BSCL2: variants seen among roughly 807,000 people sequenced by gnomAD.
BSCL2 encodes seipin.
In BSCL2, 41 loss-of-function variants were observed where a neutral mutation model predicts 57.4. The ratio of observed to expected loss-of-function variants is 0.71; its 90% CI spans 0.56 to 0.93. The LOEUF (loss-of-function observed/expected upper bound fraction) is 0.93. BSCL2 is among the 40% of genes least tolerant of loss of function. The probability of loss-of-function intolerance (pLI) is 0.00; values close to 1 mark genes in which losing one functional copy is unlikely to be tolerated. For synonymous variants in BSCL2, 237 were observed against 227.3 expected, an observed-to-expected ratio of 1.04 and a Z score of -0.38; for missense variants, 539 against 586.7, an observed-to-expected ratio of 0.92 and a Z score of 0.84.
chr11:62,696,902 G>A (rs1179478332), intron 3 of BSCL2, among the ~76,000 whole-genome samples: 1 of 151,950 alleles, frequency 6.6e-6, no homozygotes, highest in Non-Finnish European at 1.5e-5. Flanking sequence ...GCCAGGTGTG[G>A]TGGTGCATGC....
rs57072553 is a variant in BSCL2 at position 62,693,820 on chromosome 11, C to T, written c.630+748G>A. ...TGGTTTTGTAAGCTGATTCCTTTCT[C>T]TTTTTTTTTTTAAGACAAAGTTTTG... On this transcript the variant is annotated intron_variant, in intron 4 of 10. Transcript: ENST00000360796. Among the ~76,000 whole-genome samples the T allele has an allele frequency of 9.0e-3, 1,318 of 146,530 alleles. 11 individuals are homozygous for T. Among genetic ancestry groups the T allele is most frequent in the African/African-American group, 0.032 (1,265 of 40,136 alleles).
At chr11:62,691,620 C>T (rs1213526109) in intron 6 of BSCL2, among the ~76,000 whole-genome samples, 199 bp from the exon 7 acceptor site, 4 of 152,180 alleles carry the variant, frequency 2.6e-5, no homozygotes, top group Non-Finnish European at 1.5e-5. Flanking sequence ...GGGAAGTCTC[C>T]TGTGGGAGGG....
chr11:62,706,668 G>A (rs1344671256), intron 1 of BSCL2: 1 of 477,148 alleles, frequency 2.1e-6, no homozygotes, highest in Non-Finnish European at 4.3e-6. Flanking sequence ...TCATCCAGCT[G>A]GCGCTGATTT....
chr11:62,701,950 G>A (rs554638970), intron 3 of BSCL2, among the ~76,000 whole-genome samples: 1 of 152,008 alleles, frequency 6.6e-6, no homozygotes, highest in African/African-American at 2.4e-5. Flanking sequence ...TTCTTAAGTT[G>A]AATTACCGTA....
At chr11:62,700,333 A>C (rs1012154599) in intron 3 of BSCL2, among the ~76,000 whole-genome samples, 3 of 152,066 alleles carry the variant, frequency 2.0e-5, no homozygotes, top group African/African-American at 4.8e-5. Context: ...TTTCCTCCAA[A>C]GTACCACTTT....
chr11:62,706,352 G>GA (rs943874712), intron 1 of BSCL2: 58 of 1,091,484 alleles, frequency 5.3e-5, no homozygotes, highest in Non-Finnish European at 6.3e-5. Context: ...GTAGCCGTGG[G>GA]AGGCGGGGCT....
At chr11:62,699,545 T>C (rs556986372) in intron 3 of BSCL2, among the ~76,000 whole-genome samples, 53 of 152,212 alleles carry the variant, frequency 3.5e-4, no homozygotes, top group African/African-American at 1.2e-3. Flanking sequence ...TAAATGTCTT[T>C]ATAGAAGATT....
chr11:62,705,360 G>A lies in BSCL2; in HGVS notation c.345C>T (p.Ser115=), dbSNP rs200922424. 29 of 1,614,014 alleles carry A rather than the reference G, an allele frequency of 1.8e-5. No homozygotes were observed. Among genetic ancestry groups the A allele is most frequent in the Non-Finnish European group, 2.3e-5 (27 of 1,180,014 alleles). Residue 115 remains serine, a synonymous_variant, in exon 2 of 11, where the codon TCC becomes TCT. Transcript: ENST00000360796. ...LLWVSVFLYG[S]FYYSYMPTVS... is the part of the protein sequence containing the mutation. Reference sequence around the variant, plus strand: ...CTGTCGGCATATAGGAATAGTAGAAGGAGCCATAGAGGAAGACAGACACCC... The same window carrying A: ...CTGTCGGCATATAGGAATAGTAGAAAGAGCCATAGAGGAAGACAGACACCC...
At chr11:62,697,251 C>G in intron 3 of BSCL2, among the ~76,000 whole-genome samples, 1 of 150,830 alleles carries the variant, frequency 6.6e-6, no homozygotes, top group East Asian at 2.0e-4. Context: ...AAAAATTAGC[C>G]GGGCATGGTG....
chr11:62,706,208 C>G (rs2083530082), intron 1 of BSCL2: 1 of 1,064,702 alleles, frequency 9.4e-7, no homozygotes, highest in African/African-American at 1.7e-5. Context: ...CCTACCTAAT[C>G]GTGCAACCAT....
At chr11:62,708,410 G>T, upstream of BSCL2, 1 of 1,566,440 alleles carries the variant, frequency 6.4e-7, no homozygotes. Flanking sequence ...TGGGACCCTG[G>T]CTGGCTCCCA....
intron 7 of BSCL2, 30 bp downstream of exon 7, chr11:62,691,250 G>C: frequency 6.2e-7 from 1 of 1,614,114 alleles, no homozygotes; most frequent in Non-Finnish European, 8.5e-7. Flanking sequence ...AAGATCAAAG[G>C]GACAAAAGGG....
At chr11:62,708,572 G>A (rs2083582274), upstream of BSCL2, 2 of 1,499,626 alleles carry the variant, frequency 1.3e-6, no homozygotes, top group Non-Finnish European at 1.8e-6. Flanking sequence ...GAGAAGACAA[G>A]TCGTAAGGAG....
At chr11:62,691,542 C>T in intron 6 of BSCL2, 121 bp from the exon 7 acceptor site, 2 of 1,168,826 alleles carry the variant, frequency 1.7e-6, no homozygotes, top group Non-Finnish European at 2.5e-6. Context: ...GGCTCTGTCA[C>T]CCCTGCCTCC....
rs374093011 is a variant in BSCL2 at position 62,707,165 on chromosome 11, C to T, written c.31G>A (p.Glu11Lys). Residue 11 changes from glutamate to lysine, a missense_variant, in exon 1 of 11, where the codon GAA (glutamate) becomes AAA (lysine). Coordinates refer to ENST00000360796, the MANE Select transcript of BSCL2 (RefSeq NM_001122955.4). Reference sequence around the variant, plus strand: ...CCGCACACCTCTTTTTCCCCAGCTTCCTCCTTTTGGTCTACCTTTTCTGTA... The same window carrying T: ...CCGCACACCTCTTTTTCCCCAGCTTTCTCCTTTTGGTCTACCTTTTCTGTA... MSTEKVDQKEEAGEKEVCGDQ... is the reference protein window; with the variant it reads MSTEKVDQKEKAGEKEVCGDQ... 67 of 1,554,204 alleles carry T rather than the reference C, an allele frequency of 4.3e-5. No homozygotes were observed. The highest frequency in any genetic ancestry group is 3.1e-4 in the East Asian group (13 of 41,646).
chr11:62,708,310 C>T (rs572417715), upstream of BSCL2: 20 of 1,611,424 alleles, frequency 1.2e-5, no homozygotes, highest in Admixed American at 1.7e-5. Flanking sequence ...AAGGTGAGAC[C>T]CCGGTGAACA....
In BSCL2 at chr11:62,705,349, G is replaced by A. The variant is rs1472757944; in HGVS notation, c.356C>T (p.Ser119Phe). Residue 119 changes from serine (S) to phenylalanine (F), a missense_variant, in exon 2 of 11, where the codon TCC becomes TTC. This residue lies in a region of BSCL2 where 218 missense variants were observed against 224.8 expected (regional missense o/e 0.97). Transcript: ENST00000360796. ...SVFLYGSFYY[S>F]YMPTVSHLSP... ...GAGGTGGCTGACTGTCGGCATATAG[G>A]AATAGTAGAAGGAGCCATAGAGGAA... 2 of 1,613,846 alleles carry A rather than the reference G, an allele frequency of 1.2e-6. No individual in the cohort carries two copies. Among genetic ancestry groups the A allele is most frequent in the African/African-American group, 1.3e-5 (1 of 74,916 alleles).
intron 3 of BSCL2, 134 bp downstream of exon 3, chr11:62,702,334 G>A (rs1467587435): frequency 1.0e-5 from 8 of 766,230 alleles, no homozygotes; most frequent in Non-Finnish European, 1.5e-5. Context: ...CCAAAGTACT[G>A]GGATTACAGG....
chr11:62,705,256 C>G (rs369359310), intron 2 of BSCL2, 45 bp downstream of exon 2: 1 of 1,535,180 alleles, frequency 6.5e-7, no homozygotes, highest in African/African-American at 1.4e-5. Context: ...AAGGGCCTTA[C>G]AATTCCCATA....
Sources: gnomAD v4.1 joint callset for allele counts (sites outside exome capture counted in the v4.1 genomes callset) on GRCh38, gnomAD v4.1.1 for gene constraint, gnomAD v4.1.1 regional missense constraint, MANE v1.5 for transcripts, NCBI Gene and HGNC (gene_info 2026-07-23, HGNC 2026-07-21) for gene names.